EXOG: variants seen among roughly 807,000 people sequenced by gnomAD.
EXOG encodes exo/endonuclease G.
In EXOG, 27 loss-of-function variants were observed where a neutral mutation model predicts 25.8. The observed-to-expected ratio is 1.05, with a 90% CI of 0.77 to 1.45. The LOEUF is 1.45. Among genes scored for constraint, EXOG ranks in the 40% most tolerant of loss-of-function variants. EXOG has a pLI of 0.00. For synonymous variants in EXOG, 133 were observed against 167.0 expected (o/e 0.80, Z 1.57); for missense variants, 458 against 450.5 (o/e 1.02, Z -0.15).
intron 2 of EXOG, among the ~76,000 whole-genome samples, chr3:38,498,383 C>G (rs576122270): frequency 6.6e-6 from 1 of 151,600 alleles, no homozygotes; most frequent in Non-Finnish European, 1.5e-5. Context: ...GGCAAAACCG[C>G]GTTTCTACAA....
chr3:38,518,145 G>GAGAT (rs1276720966), intron 5 of EXOG, among the ~76,000 whole-genome samples: 3 of 152,118 alleles, frequency 2.0e-5, no homozygotes, highest in Non-Finnish European at 4.4e-5. Flanking sequence ...TTAAGAAATA[G>GAGAT]AGATGTGGGA....
At chr3:38,522,209 G>C (rs138588043) in intron 5 of EXOG, among the ~76,000 whole-genome samples, 3 of 152,230 alleles carry the variant, frequency 2.0e-5, no homozygotes, top group Non-Finnish European at 2.9e-5. Context: ...ATGTGTGACA[G>C]ACAGCAGATG....
rs2060496545 is a variant in EXOG at position 38,515,068 on chromosome 3, GGC to G, written c.645+8101_645+8102del. On this transcript the variant is annotated intron_variant, in intron 5 of 5. Coordinates refer to ENST00000287675, the MANE Select transcript of EXOG (RefSeq NM_005107.4). ...ATTACAGGCATGAGTCACTGCACCT[GGC>G]TACCCTTTTTTATAGATAACTTTTT... 3.3e-5 allele frequency among the ~76,000 whole-genome samples: 5 copies of G among 152,194 alleles called. No homozygotes were observed. In the South Asian group the frequency reaches 8.3e-4, roughly 25 times the overall value.
chr3:38,521,420 C>G (rs1482243059), intron 5 of EXOG, among the ~76,000 whole-genome samples: 1 of 151,792 alleles, frequency 6.6e-6, no homozygotes, highest in African/African-American at 2.4e-5. Context: ...AACGTCTTTA[C>G]TTTTGGCTGG....
intron 5 of EXOG, among the ~76,000 whole-genome samples, chr3:38,522,922 A>G (rs2060765408): frequency 6.6e-6 from 1 of 152,244 alleles, no homozygotes; most frequent in Non-Finnish European, 1.5e-5. Flanking sequence ...TGGCTTCTTC[A>G]TTGTGTGGAT....
intron 5 of EXOG, among the ~76,000 whole-genome samples, 184 bp from the exon 6 acceptor site, chr3:38,523,717 C>T (rs1463279421): frequency 1.3e-5 from 2 of 152,168 alleles, no homozygotes; most frequent in Non-Finnish European, 2.9e-5. Flanking sequence ...CTGTTAAATA[C>T]TCTTCTTGTA....
At chr3:38,499,644 C>T in intron 2 of EXOG, 1 of 444,870 alleles carries the variant, frequency 2.2e-6, no homozygotes, top group South Asian at 1.6e-5. Flanking sequence ...TTTTTTTTAC[C>T]TTTTTTTTTG....
intron 5 of EXOG, among the ~76,000 whole-genome samples, chr3:38,509,589 G>GA (rs1330189428): frequency 1.3e-5 from 2 of 152,178 alleles, no homozygotes; most frequent in African/African-American, 2.4e-5. Flanking sequence ...AGCGCTTAGA[G>GA]AAATGACTGA....
chr3:38,507,065 A>T (rs192563561), intron 5 of EXOG, 97 bp downstream of exon 5: 1 of 554,476 alleles, frequency 1.8e-6, no homozygotes, highest in Non-Finnish European at 3.2e-6. Flanking sequence ...ATTCAAAAAA[A>T]ATTTTGCATT....
At chr3:38,503,513 C>T (rs1445661263) in intron 3 of EXOG, 102 bp from the exon 4 acceptor site, 1 of 650,768 alleles carries the variant, frequency 1.5e-6, no homozygotes, top group Non-Finnish European at 2.7e-6. Context: ...TTGCCTAGCA[C>T]TAATGTTTAA....
At chr3:38,518,506 G>A (rs2060614611) in intron 5 of EXOG, among the ~76,000 whole-genome samples, 3 of 152,218 alleles carry the variant, frequency 2.0e-5, no homozygotes, top group Admixed American at 1.3e-4. Flanking sequence ...TCAAGGCAAT[G>A]TCTTGCAATT....
chr3:38,516,234 A>C (rs958688428), intron 5 of EXOG, among the ~76,000 whole-genome samples: 2 of 152,088 alleles, frequency 1.3e-5, no homozygotes, highest in Admixed American at 1.3e-4. Flanking sequence ...TTTAATTTGC[A>C]GAGGAGAGGA....
chr3:38,519,899 C>G (rs545693505), intron 5 of EXOG, among the ~76,000 whole-genome samples: 13 of 152,330 alleles, frequency 8.5e-5, no homozygotes, highest in East Asian at 3.9e-4. Flanking sequence ...TCCTTCCCCC[C>G]CTCAGGTTCG....
At chr3:38,507,058 CAAAA>C in intron 5 of EXOG, 90 bp downstream of exon 5, 1 of 582,294 alleles carries the variant, frequency 1.7e-6, no homozygotes, top group Non-Finnish European at 3.0e-6. Flanking sequence ...TTTTATCATT[CAAAA>C]AAAATTTTGC....
rs568670396 is a variant in EXOG at position 38,515,105 on chromosome 3, G to T, written c.645+8137G>T. 2.8e-4 allele frequency among the ~76,000 whole-genome samples: 43 copies of T among 151,926 alleles called. No individual in the cohort carries two copies. The East Asian group carries it at 7.4e-3, about 26-fold the overall frequency. On this transcript the variant is annotated intron_variant, in intron 5 of 5. Transcript: ENST00000287675. The stretch of plus-strand genomic sequence containing the variant: ...TTATAGATAACTTTTTTTTGCTTTG[G>T]TAGAGTATATCCTCAAATTTTTTCT...
intron 5 of EXOG, among the ~76,000 whole-genome samples, chr3:38,509,770 A>G (rs2060310916): frequency 6.6e-6 from 1 of 152,208 alleles, no homozygotes; most frequent in Non-Finnish European, 1.5e-5. Flanking sequence ...TGGATTATAA[A>G]CCTATTGAAT....
chr3:38,503,687 A>G lies in EXOG; in HGVS notation c.526A>G (p.Asn176Asp). The G allele has an allele frequency of 6.4e-7, 1 of 1,565,082 alleles. No homozygotes were observed. Residue 176 changes from asparagine (N) to aspartate (D), a missense_variant, in exon 4 of 6, where the codon AAC becomes GAC. Transcript: ENST00000287675. ...QDFDNNSGYW[N>D]RIEMYCRELT... ...TTTTGATAATAATTCTGGATATTGG[A>G]ACAGGTGAGGGATGAGAGTTTTAAA...
intron 5 of EXOG, among the ~76,000 whole-genome samples, chr3:38,516,434 T>C (rs568810147): frequency 6.6e-6 from 1 of 152,314 alleles, no homozygotes; most frequent in African/African-American, 2.4e-5. Context: ...AGAACTTCCC[T>C]GTATCTTTCA....
At chr3:38,501,226 A>G in intron 2 of EXOG, 129 bp from the exon 3 acceptor site, 1 of 700,830 alleles carries the variant, frequency 1.4e-6, no homozygotes. Context: ...AACTTGAGAC[A>G]TGCATGCAAT....
Sources: allele counts gnomAD v4.1 joint callset (sites outside exome capture counted in the v4.1 genomes callset), GRCh38; gene constraint gnomAD v4.1.1; transcripts MANE v1.5; gene names NCBI Gene and HGNC (gene_info 2026-07-23, HGNC 2026-07-21).